The following TPST1 variants were observed in gnomAD, a reference collection of about 807,000 sequenced individuals.
TPST1 encodes the protein tyrosylprotein sulfotransferase 1.
A neutral mutation model predicts 34.8 loss-of-function variants in TPST1; 20 were observed. That is an observed-to-expected ratio of 0.57 (90% CI 0.40 to 0.84). The LOEUF (loss-of-function observed/expected upper bound fraction) is 0.84, where lower values mean the gene tolerates loss of function less well. TPST1 is among the 40% of genes least tolerant of loss of function. TPST1 has a pLI of 0.00. For missense variants in TPST1, 353 were observed against 455.5 expected (o/e 0.78, Z 2.05); for synonymous variants, 152 against 159.4 (o/e 0.95, Z 0.35).
intron 3 of TPST1, among the ~76,000 whole-genome samples, chr7:66,340,795 T>G (rs1162619245): frequency 6.6e-6 from 1 of 152,100 alleles, no homozygotes; most frequent in Non-Finnish European, 1.5e-5. Context: ...AGAATTAATA[T>G]TGTTATGGAG....
intron 3 of TPST1, among the ~76,000 whole-genome samples, chr7:66,304,161 G>A (rs1416947152): frequency 2.0e-5 from 3 of 152,186 alleles, no homozygotes; most frequent in African/African-American, 7.2e-5. Flanking sequence ...TACTGGACAC[G>A]TTGTTTACAA....
intron 2 of TPST1, among the ~76,000 whole-genome samples, chr7:66,260,748 G>T (rs183799380): frequency 6.6e-6 from 1 of 151,994 alleles, no homozygotes; most frequent in Non-Finnish European, 1.5e-5. Flanking sequence ...TGATCTTTGG[G>T]GTTTTTGCTT....
intron 1 of TPST1, among the ~76,000 whole-genome samples, chr7:66,214,306 T>C (rs6460280): frequency 0.065 from 9,900 of 151,700 alleles, 1,054 homozygotes; most frequent in African/African-American, 0.22. Context: ...ATATATAATA[T>C]TGTCCTCCTT....
chr7:66,348,878 T>C (rs1433685612), intron 3 of TPST1, among the ~76,000 whole-genome samples: 1 of 152,222 alleles, frequency 6.6e-6, no homozygotes, highest in Non-Finnish European at 1.5e-5. Context: ...CTTTATTTGA[T>C]ATTTTACCCA....
chr7:66,254,328 T>C (rs931821964), intron 2 of TPST1, among the ~76,000 whole-genome samples: 15 of 152,332 alleles, frequency 9.8e-5, no homozygotes, highest in Admixed American at 3.9e-4. Context: ...TATTGTACTT[T>C]ATTTGATAAG....
intron 2 of TPST1, among the ~76,000 whole-genome samples, chr7:66,284,686 A>G (rs1367865969): frequency 1.3e-5 from 2 of 151,170 alleles, no homozygotes; most frequent in Non-Finnish European, 2.9e-5. Context: ...CCTCCCAAGT[A>G]GCTGGGATTA....
chr7:66,252,302 C>T (rs957435125), intron 2 of TPST1, among the ~76,000 whole-genome samples: 19 of 151,142 alleles, frequency 1.3e-4, no homozygotes, highest in African/African-American at 4.6e-4. Context: ...TCGTGATCTA[C>T]CCGCCTCGGC....
chr7:66,297,688 G>A (rs1195365787), intron 3 of TPST1, among the ~76,000 whole-genome samples: 2 of 152,194 alleles, frequency 1.3e-5, no homozygotes, highest in Non-Finnish European at 2.9e-5. Flanking sequence ...ACATGAAAAT[G>A]AAGTCAGCTG....
chr7:66,309,421 T>G (rs1278269539), intron 3 of TPST1, among the ~76,000 whole-genome samples: 1 of 152,228 alleles, frequency 6.6e-6, no homozygotes, highest in African/African-American at 2.4e-5. Context: ...TTGTCTGGTC[T>G]AACATTCTTA....
At chr7:66,330,479 A>G (rs1246176152) in intron 3 of TPST1, among the ~76,000 whole-genome samples, 4 of 152,220 alleles carry the variant, frequency 2.6e-5, no homozygotes. Context: ...GTAAACACCA[A>G]GAAGAAACCT....
intron 1 of TPST1, among the ~76,000 whole-genome samples, chr7:66,210,581 G>A (rs1183914793): frequency 6.6e-6 from 1 of 152,194 alleles, no homozygotes; most frequent in East Asian, 1.9e-4. Context: ...CCATGAGATG[G>A]TGATAGGTAT....
chr7:66,201,207 C>A (rs1341960535), upstream of TPST1, among the ~76,000 whole-genome samples: 1 of 151,984 alleles, frequency 6.6e-6, no homozygotes, highest in Non-Finnish European at 1.5e-5. Context: ...TTTTCAGGAA[C>A]AAGTTTTCCT....
At chr7:66,306,141 G>GTCTC (rs144444657) in intron 3 of TPST1, among the ~76,000 whole-genome samples, 2 of 150,078 alleles carry the variant, frequency 1.3e-5, no homozygotes, top group African/African-American at 4.9e-5. Context: ...GAGTGTGCAC[G>GTCTC]TCTCTCTCTC....
intron 1 of TPST1, among the ~76,000 whole-genome samples, chr7:66,231,906 A>G (rs1388095991): frequency 1.3e-5 from 2 of 152,248 alleles, no homozygotes; most frequent in Admixed American, 1.3e-4. Context: ...ATCTCTCACT[A>G]TCACTTAACA....
At chr7:66,269,764 T>C (rs1790668034) in intron 2 of TPST1, among the ~76,000 whole-genome samples, 1 of 152,024 alleles carries the variant, frequency 6.6e-6, no homozygotes, top group East Asian at 1.9e-4. Context: ...AAATAAGAAA[T>C]AAAGCAGGGA....
intron 1 of TPST1, among the ~76,000 whole-genome samples, chr7:66,235,556 G>A (rs1488202075): frequency 6.6e-6 from 1 of 151,928 alleles, no homozygotes; most frequent in East Asian, 1.9e-4. Flanking sequence ...TACTTCTCTA[G>A]TAATGAATTC....
At chr7:66,220,705 G>A (rs1191541428) in intron 1 of TPST1, among the ~76,000 whole-genome samples, 1 of 152,038 alleles carries the variant, frequency 6.6e-6, no homozygotes. Context: ...AAACAGGCTG[G>A]GGAGCAGACA....
chr7:66,247,054 A>G (rs907846061), intron 2 of TPST1, among the ~76,000 whole-genome samples: 1 of 152,226 alleles, frequency 6.6e-6, no homozygotes, highest in Non-Finnish European at 1.5e-5. Context: ...ATATGATCTA[A>G]TAGAAGACTT....
Position 66,272,638 on chromosome 7 carries a change from G to C in TPST1, c.846-13873G>C, listed in dbSNP as rs183435729. The stretch of plus-strand genomic sequence containing the variant: ...TGGTTTCACTCTGTTGCCCAGGTTG[G>C]AAGGCAGTAGTGCAATCACAGCTCA... On this transcript the variant is annotated intron_variant, in intron 2 of 5. Coordinates refer to ENST00000304842, the MANE Select transcript of TPST1 (RefSeq NM_003596.4). Among the ~76,000 whole-genome samples, 47 of 151,104 alleles carry C rather than the reference G, an allele frequency of 3.1e-4. No homozygotes were observed. The South Asian group carries it at 4.4e-3, about 14-fold the overall frequency.
Sources: gnomAD v4.1 joint callset for allele counts (sites outside exome capture counted in the v4.1 genomes callset) on GRCh38, gnomAD v4.1.1 for gene constraint, MANE v1.5 for transcripts, NCBI Gene and HGNC (gene_info 2026-07-23, HGNC 2026-07-21) for gene names.